Variants in KANSL1 observed in about 807,000 individuals in gnomAD.
KANSL1 encodes the protein KAT8 regulatory NSL complex subunit 1, also known as MLL1/MLL complex subunit KANSL1.
Under a neutral mutation model 103.6 loss-of-function variants are expected in KANSL1, and 22 were observed. That is an observed-to-expected ratio of 0.21 (90% CI 0.15 to 0.30). The LOEUF is 0.30. Ranked by LOEUF, KANSL1 falls within the 10% of genes least tolerant of loss-of-function variation. The pLI is 1.00. For missense variants in KANSL1, 1,337 were observed against 1,399.8 expected (o/e 0.96, Z 0.72); for synonymous variants, 600 against 527.6 (o/e 1.14, Z -1.88).
intron 2 of KANSL1, among the ~76,000 whole-genome samples, chr17:46,145,806 C>A (rs991206659): frequency 2.0e-5 from 3 of 152,150 alleles, no homozygotes; most frequent in African/African-American, 7.2e-5. Flanking sequence ...CTGGTTCACT[C>A]CAACCTCCAC....
At chr17:46,097,139 C>T (rs1453002421) in intron 2 of KANSL1, among the ~76,000 whole-genome samples, 2 of 152,192 alleles carry the variant, frequency 1.3e-5, no homozygotes, top group Non-Finnish European at 2.9e-5. Context: ...TATTCTAATT[C>T]TGCTGAACTT....
intron 2 of KANSL1, among the ~76,000 whole-genome samples, chr17:46,150,927 C>CAAAAAAAAA (rs67160662): frequency 1.5e-5 from 2 of 134,502 alleles, no homozygotes; most frequent in African/African-American, 2.8e-5. Context: ...CCTATTCTGT[C>CAAAAAAAAA]AAAAAAAAAA....
chr17:46,201,958 G>A (rs552976607), intron 1 of KANSL1, among the ~76,000 whole-genome samples: 1 of 152,232 alleles, frequency 6.6e-6, no homozygotes, highest in Non-Finnish European at 1.5e-5. Flanking sequence ...AGTGAGCAGA[G>A]ATGGCGCTAC....
chr17:46,141,970 C>T (rs1220981872), intron 2 of KANSL1, among the ~76,000 whole-genome samples: 3 of 152,198 alleles, frequency 2.0e-5, no homozygotes, highest in Non-Finnish European at 4.4e-5. Context: ...CTCACTGCAA[C>T]CTCCACCTAC....
chr17:46,065,914 A>G (rs1317370505), intron 6 of KANSL1, among the ~76,000 whole-genome samples: 1 of 152,144 alleles, frequency 6.6e-6, no homozygotes, highest in Non-Finnish European at 1.5e-5. Flanking sequence ...CCCAAGCTTA[A>G]GTACAGTGGC....
intron 2 of KANSL1, among the ~76,000 whole-genome samples, chr17:46,133,921 T>C (rs1322132097): frequency 6.6e-6 from 1 of 152,232 alleles, no homozygotes; most frequent in Non-Finnish European, 1.5e-5. Flanking sequence ...GCTGTGGAGA[T>C]GAGTGAAATC....
chr17:46,092,202 TCA>T (rs1360659972), intron 3 of KANSL1, among the ~76,000 whole-genome samples: 2 of 152,230 alleles, frequency 1.3e-5, no homozygotes, highest in East Asian at 3.8e-4. Context: ...AACACATTTC[TCA>T]GTTTCCCTTT....
chr17:46,063,571 C>T (rs895856650), intron 6 of KANSL1, among the ~76,000 whole-genome samples: 6 of 152,194 alleles, frequency 3.9e-5, no homozygotes, highest in African/African-American at 1.4e-4. Context: ...CCAAAGTCAA[C>T]TAATTTCTCT....
chr17:46,078,039 A>G (rs1568422452), intron 4 of KANSL1, among the ~76,000 whole-genome samples: 4 of 151,692 alleles, frequency 2.6e-5, no homozygotes, highest in African/African-American at 9.7e-5. Context: ...CATTATAGAG[A>G]CTCTGAATTT....
intron 4 of KANSL1, among the ~76,000 whole-genome samples, chr17:46,069,085 T>C (rs77950913): frequency 0.14 from 21,776 of 152,030 alleles, 2,129 homozygotes; most frequent in Non-Finnish European, 0.22. Context: ...ACTACCATGC[T>C]CATGTAATTT....
chr17:46,170,546 G>T, intron 2 of KANSL1: 1 of 395,394 alleles, frequency 2.5e-6, no homozygotes, highest in Non-Finnish European at 4.4e-6. Flanking sequence ...AGTTTCAAAA[G>T]AAATCTAAAT....
At chr17:46,055,568 T>C (rs868086631) in intron 6 of KANSL1, among the ~76,000 whole-genome samples, 5 of 152,140 alleles carry the variant, frequency 3.3e-5, no homozygotes, top group Admixed American at 6.5e-5. Flanking sequence ...CTTAAAGATA[T>C]TGATATTCTA....
Position 46,039,603 on chromosome 17 carries a change from T to G in KANSL1, c.2203+99A>C, listed in dbSNP as rs2146367658. 3 of 1,360,200 alleles carry G rather than the reference T, an allele frequency of 2.2e-6. No individual in the cohort carries two copies. The South Asian group carries it at 4.2e-5, about 19-fold the overall frequency. The allele number at this position is 1,360,200 out of a possible 1,614,324, so 84.3% of individuals were successfully genotyped here. ...GAATTTTTTATCGGTCAACTGCCTCTCCCAACCCCAACATGCATGCAAACT... is the reference window on the plus strand; with the variant it reads ...GAATTTTTTATCGGTCAACTGCCTCGCCCAACCCCAACATGCATGCAAACT... On this transcript the variant is annotated intron_variant, in intron 8 of 14. Transcript: ENST00000432791.
intron 14 of KANSL1, 126 bp from the exon 15 acceptor site, chr17:46,031,829 C>G: frequency 9.5e-7 from 1 of 1,048,822 alleles, no homozygotes; most frequent in South Asian, 1.6e-5. Context: ...CTGCGACAGT[C>G]TGGGAACACC....
chr17:46,177,869 C>T (rs1337632100), intron 1 of KANSL1, among the ~76,000 whole-genome samples: 2 of 152,100 alleles, frequency 1.3e-5, no homozygotes, highest in Non-Finnish European at 2.9e-5. Flanking sequence ...GCTCCACCTC[C>T]CGGGTTCACG....
At chr17:46,202,568 T>C (rs1403460272) in intron 1 of KANSL1, among the ~76,000 whole-genome samples, 1 of 152,224 alleles carries the variant, frequency 6.6e-6, no homozygotes, top group Admixed American at 6.5e-5. Context: ...AATGTAATCC[T>C]TCCAGGCAGA....
At chr17:46,195,037 T>G (rs2047558656), upstream of KANSL1, among the ~76,000 whole-genome samples, 1 of 152,222 alleles carries the variant, frequency 6.6e-6, no homozygotes, top group South Asian at 2.1e-4. Flanking sequence ...AAAAGAGGTC[T>G]TTAGTCTTGG....
intron 6 of KANSL1, among the ~76,000 whole-genome samples, chr17:46,062,579 G>C (rs1305138885): frequency 2.0e-5 from 3 of 151,300 alleles, no homozygotes; most frequent in Non-Finnish European, 4.4e-5. Flanking sequence ...GGGTGGTCTT[G>C]ATCTCCTGAC....
chr17:46,149,735 C>T (rs959873232), intron 2 of KANSL1, among the ~76,000 whole-genome samples: 13 of 152,110 alleles, frequency 8.5e-5, no homozygotes, highest in Middle Eastern at 3.2e-3. Flanking sequence ...TGGCTGGGCA[C>T]GGTGGCTCAC....
Sources: allele counts gnomAD v4.1 joint callset (sites outside exome capture counted in the v4.1 genomes callset), GRCh38; gene constraint gnomAD v4.1.1; transcripts MANE v1.5; gene names NCBI Gene and HGNC (gene_info 2026-07-23, HGNC 2026-07-21).